Variants in CHAD observed in about 807,000 individuals in gnomAD.
CHAD encodes the protein cartilage leucine-rich protein.
CHAD carries 18 observed loss-of-function variants against 24.0 expected under a neutral mutation model. That is an observed-to-expected ratio of 0.75 (90% CI 0.52 to 1.11). The LOEUF is 1.11. Ranked by LOEUF, CHAD falls within the 50% of genes most tolerant of loss-of-function variation. CHAD has a pLI of 0.00. For synonymous variants in CHAD, 195 were observed against 211.6 expected (o/e 0.92, Z 0.68); for missense variants, 440 against 467.2 (o/e 0.94, Z 0.54).
rs779637239 is a variant in CHAD, at chr17:50,468,153, C to T, written c.661G>A (p.Val221Met). 6.2e-7 allele frequency: 1 copy of T among 1,614,082 alleles called. No homozygotes were observed. ...PSAALSKLRV[V>M]EELKLSHNPL... Reference sequence around the variant, plus strand: ...TTGTGGGACAGCTTCAGCTCCTCCACCACCCGTAGCTTGCTCAGGGCAGCT... The same window carrying T: ...TTGTGGGACAGCTTCAGCTCCTCCATCACCCGTAGCTTGCTCAGGGCAGCT... Residue 221 changes from valine to methionine, a missense_variant, in exon 1 of 4, where the codon GTG (valine) becomes ATG (methionine). By Grantham distance (21) the Val-to-Met change is conservative (BLOSUM62 1). Coordinates refer to ENST00000508540, the MANE Select transcript of CHAD (RefSeq NM_001267.3).
In CHAD at chr17:50,468,144, G is replaced by C. The variant is rs1471201677; in HGVS notation, c.670C>G (p.Leu224Val). The C allele has an allele frequency of 1.9e-6, 3 of 1,614,038 alleles. No homozygotes were observed. The African/African-American group carries it at 4.0e-5, about 22-fold the overall frequency. ...TTCAGGGGGTTGTGGGACAGCTTCA[G>C]CTCCTCCACCACCCGTAGCTTGCTC... is the stretch of plus-strand genomic sequence containing the variant. ...ALSKLRVVEE[L>V]KLSHNPLKSI... is the part of the protein sequence containing the mutation. Residue 224 changes from leucine (L) to valine (V), a missense_variant, in exon 1 of 4, where the codon CTG (leucine) becomes GTG (valine). By Grantham distance (32) the Leu-to-Val change is conservative. Coordinates refer to ENST00000508540, the MANE Select transcript of CHAD (RefSeq NM_001267.3).
At position 50,464,684 on chromosome 17, in the gene CHAD, C is replaced by T. The variant is rs77557245; in HGVS notation, c.*370G>A. On this transcript the variant is annotated 3_prime_UTR_variant, in exon 4 of 4. Coordinates refer to ENST00000508540, the MANE Select transcript of CHAD (RefSeq NM_001267.3). ...GGCAAGGATCTGATGATTGTTTCCA[C>T]GTGGCAGGGAAAGAGGAACAGAGGA... 1.6e-4 allele frequency: 72 copies of T among 448,542 alleles called. No homozygotes were observed. The highest frequency in any genetic ancestry group is 1.4e-3 in the African/African-American group (67 of 47,734). The allele number at this position is 448,542 out of a possible 1,614,324, so 27.8% of individuals were successfully genotyped here.
At chr17:50,465,576 C>T (rs568588176) in intron 2 of CHAD, 131 bp downstream of exon 2, 135 of 1,468,604 alleles carry the variant, frequency 9.2e-5, no homozygotes, top group Middle Eastern at 2.4e-4. Flanking sequence ...AATGGGGAAA[C>T]TGAGGCTCCC....
rs1567862101 is a variant in CHAD, at chr17:50,468,502, C to G, written c.312G>C (p.Leu104Phe). The G allele has an allele frequency of 1.2e-6, 2 of 1,614,248 alleles. No individual in the cohort carries two copies. The highest frequency in any genetic ancestry group is 2.7e-5 in the African/African-American group (2 of 75,070). The change falls in exon 1 of 4, where the codon TTG becomes TTC. Residue 104 changes from leucine to phenylalanine, a missense_variant. Physicochemically the swap from Leu to Phe is conservative, Grantham distance 22. Coordinates refer to ENST00000508540, the MANE Select transcript of CHAD (RefSeq NM_001267.3). ...CGCGGATGTCGTTATGGGACAGGTA[C>G]AAGTAGATAAGTTGCTTGAGGCCGC... ...AFRGLKQLIY[L>F]YLSHNDIRVL...
chr17:50,465,440 C>T lies in CHAD; in HGVS notation c.939-1G>A, dbSNP rs748279813. 6.8e-6 allele frequency: 11 copies of T among 1,613,554 alleles called. No individual in the cohort carries two copies. In the Admixed American group the frequency reaches 1.7e-4, roughly 24 times the overall value. ...GCGGGAGGCCTTGGCTTCCAGCCAC[C>T]TGGAGAGACAGAAACTTGCTGGGGC... On this transcript the variant is annotated splice_acceptor_variant, in intron 2 of 3. Coordinates refer to ENST00000508540, the MANE Select transcript of CHAD (RefSeq NM_001267.3). LOFTEE classifies it high-confidence loss of function.
Position 50,464,545 on chromosome 17 carries a change from C to A in CHAD, c.*509G>T. The A allele has an allele frequency of 4.7e-6, 3 of 637,700 alleles. No individual in the cohort carries two copies. Among genetic ancestry groups the A allele is most frequent in the Non-Finnish European group, 8.7e-6 (3 of 344,990 alleles). 39.5% of individuals were successfully genotyped at this position (637,700 alleles called of 1,614,324 possible). On this transcript the variant is annotated 3_prime_UTR_variant, in exon 4 of 4. Transcript: ENST00000508540. Reference sequence around the variant, plus strand: ...TTATAGAAATCTCAGGAAGAAATTGCAGCATGGGAAGATGGACAGCAAAGC... The same window carrying A: ...TTATAGAAATCTCAGGAAGAAATTGAAGCATGGGAAGATGGACAGCAAAGC...
Position 50,464,773 on chromosome 17 carries a change from G to GT in CHAD, c.*280_*281insA. The GT allele has an allele frequency of 6.0e-6, 2 of 333,604 alleles. No individual in the cohort carries two copies. The highest frequency in any genetic ancestry group is 2.2e-5 in the South Asian group (1 of 45,258). 20.7% of individuals were successfully genotyped at this position (333,604 alleles called of 1,614,324 possible). On this transcript the variant is annotated 3_prime_UTR_variant, in exon 4 of 4. Transcript: ENST00000508540. ...CTGTTGTGGTTCTGATTGACTTGGG[G>GT]GGGGGGTCTCAGCAACAGCTTCTCC...
Position 50,464,665 on chromosome 17 carries a change from G to A in CHAD, c.*389C>T. On this transcript the variant is annotated 3_prime_UTR_variant, in exon 4 of 4. Coordinates refer to ENST00000508540, the MANE Select transcript of CHAD (RefSeq NM_001267.3). ...TTCTGGAAGCAAGGGGTGGGGCAAG[G>A]ATCTGATGATTGTTTCCACGTGGCA... 1 of 468,612 alleles carries A rather than the reference G, an allele frequency of 2.1e-6. No homozygotes were observed. The highest frequency in any genetic ancestry group is 4.2e-6 in the Non-Finnish European group (1 of 236,568). 29.0% of individuals were successfully genotyped at this position (468,612 alleles called of 1,614,324 possible). A position where few individuals can be genotyped will look rare whatever the true frequency, so the allele number is the denominator to read the frequency against.
At chr17:50,465,642 T>C in intron 2 of CHAD, 65 bp downstream of exon 2, 2 of 1,583,130 alleles carry the variant, frequency 1.3e-6, no homozygotes, top group South Asian at 1.1e-5. Flanking sequence ...CATGTCTTAG[T>C]GCAGGGCTAA....
At chr17:50,465,985 G>A in intron 1 of CHAD, 115 bp from the exon 2 acceptor site, 1 of 1,150,296 alleles carries the variant, frequency 8.7e-7, no homozygotes, top group Non-Finnish European at 1.3e-6. Flanking sequence ...GCACTTTGAG[G>A]AGTTTCCCAG....
In CHAD at chr17:50,464,522, A is replaced by G. The variant is rs1220925113; in HGVS notation, c.*532T>C. On this transcript the variant is annotated 3_prime_UTR_variant, in exon 4 of 4. Transcript: ENST00000508540. ...ATAATACATACATACATTTATATTTATAGAAATCTCAGGAAGAAATTGCAG... is the reference window on the plus strand; with the variant it reads ...ATAATACATACATACATTTATATTTGTAGAAATCTCAGGAAGAAATTGCAG... 2 of 672,466 alleles carry G rather than the reference A, an allele frequency of 3.0e-6. No homozygotes were observed. Among genetic ancestry groups the G allele is most frequent in the Non-Finnish European group, 5.5e-6 (2 of 366,870 alleles). The allele number at this position is 672,466 out of a possible 1,614,324, so 41.7% of individuals were successfully genotyped here.
rs368836827 is a variant in CHAD at position 50,464,769 on chromosome 17, T to TGGGGGGGGG, written c.*276_*284dup. 6 of 170,490 alleles carry TGGGGGGGGG rather than the reference T, an allele frequency of 3.5e-5. No homozygotes were observed. Among genetic ancestry groups the TGGGGGGGGG allele is most frequent in the South Asian group, 1.0e-4 (2 of 19,488 alleles). 10.6% of individuals were successfully genotyped at this position (170,490 alleles called of 1,614,324 possible). A position where few individuals can be genotyped will look rare whatever the true frequency, so the allele number is the denominator to read the frequency against. ...CAACCTGTTGTGGTTCTGATTGACT[T>TGGGGGGGGG]GGGGGGGGGGTCTCAGCAACAGCTT... On this transcript the variant is annotated 3_prime_UTR_variant, in exon 4 of 4. Coordinates refer to ENST00000508540, the MANE Select transcript of CHAD (RefSeq NM_001267.3).
chr17:50,465,961 G>C, intron 1 of CHAD, 91 bp from the exon 2 acceptor site: 1 of 1,426,770 alleles, frequency 7.0e-7, no homozygotes. Flanking sequence ...ATCCTTCCCT[G>C]AACCTGAGCC....
Position 50,464,779 on chromosome 17 carries a change from G to GTGGT in CHAD, c.*274_*275insACCA. On this transcript the variant is annotated 3_prime_UTR_variant, in exon 4 of 4. Transcript: ENST00000508540. Reference sequence around the variant, plus strand: ...TGGTTCTGATTGACTTGGGGGGGGGGTCTCAGCAACAGCTTCTCCAAGAGG... The same window carrying GTGGT: ...TGGTTCTGATTGACTTGGGGGGGGGGTGGTTCTCAGCAACAGCTTCTCCAAGAGG... 1 of 259,844 alleles carries GTGGT rather than the reference G, an allele frequency of 3.8e-6. No individual in the cohort carries two copies. Among genetic ancestry groups the GTGGT allele is most frequent in the Non-Finnish European group, 7.4e-6 (1 of 135,768 alleles). The allele number at this position is 259,844 out of a possible 1,614,324, so 16.1% of individuals were successfully genotyped here.
intron 3 of CHAD, 35 bp downstream of exon 3, chr17:50,465,259 G>A: frequency 1.2e-6 from 2 of 1,612,890 alleles, no homozygotes; most frequent in Non-Finnish European, 1.7e-6. Flanking sequence ...AATCACCAAA[G>A]AGGGACATAG....
chr17:50,466,480 G>A (rs1383314198), intron 1 of CHAD, among the ~76,000 whole-genome samples: 1 of 152,176 alleles, frequency 6.6e-6, no homozygotes, highest in Non-Finnish European at 1.5e-5. Context: ...GTAGCCACAG[G>A]ACCACACCCA....
intron 1 of CHAD, among the ~76,000 whole-genome samples, chr17:50,466,405 A>C (rs1042783476): frequency 6.6e-6 from 1 of 152,146 alleles, no homozygotes; most frequent in African/African-American, 2.4e-5. Context: ...TGTTATTTTC[A>C]ATATGCAAAT....
Position 50,468,427 on chromosome 17 carries a change from G to A in CHAD, c.387C>T (p.Tyr129=), listed in dbSNP as rs762195755. The A allele has an allele frequency of 6.2e-7, 1 of 1,614,270 alleles. No individual in the cohort carries two copies. The highest frequency in any genetic ancestry group is 8.5e-7 in the Non-Finnish European group (1 of 1,180,050). The change falls in exon 1 of 4, where the codon TAC becomes TAT. Residue 129 remains tyrosine, a synonymous_variant. Transcript: ENST00000508540. ...GCTCAGTGACCTTGTTGTGGTCCAGGTAGAGGTAGGTCAGCTCGGTCAGGT... is the reference window on the plus strand; with the variant it reads ...GCTCAGTGACCTTGTTGTGGTCCAGATAGAGGTAGGTCAGCTCGGTCAGGT... ...FDDLTELTYL[Y]LDHNKVTELP...
At position 50,468,523 on chromosome 17, in the gene CHAD, G is replaced by A. The variant is rs957486071; in HGVS notation, c.291C>T (p.Gly97=). Residue 97 remains glycine (G), a synonymous_variant, in exon 1 of 4, where the codon GGC becomes GGT. Transcript: ENST00000508540. The part of the protein sequence containing the change: ...IREVAAGAFR[G]LKQLIYLYLS... Reference sequence around the variant, plus strand: ...GGTACAAGTAGATAAGTTGCTTGAGGCCGCGGAAGGCACCGGCGGCCACCT... The same window carrying A: ...GGTACAAGTAGATAAGTTGCTTGAGACCGCGGAAGGCACCGGCGGCCACCT... 5 of 1,614,154 alleles carry A rather than the reference G, an allele frequency of 3.1e-6. No individual in the cohort carries two copies. Among genetic ancestry groups the A allele is most frequent in the Non-Finnish European group, 4.2e-6 (5 of 1,180,056 alleles).
Sources: allele counts gnomAD v4.1 joint callset (sites outside exome capture counted in the v4.1 genomes callset), GRCh38; gene constraint gnomAD v4.1.1; transcripts MANE v1.5; gene names NCBI Gene and HGNC (gene_info 2026-07-23, HGNC 2026-07-21).